Variants in ZNF496 observed in about 807,000 individuals in gnomAD.
ZNF496 encodes the protein NSD1 (nuclear receptor binding SET-domain containing 1)-interacting zinc finger protein 1.
A neutral mutation model predicts 58.9 loss-of-function variants in ZNF496; 11 were observed. That is an observed-to-expected ratio of 0.19 (90% CI 0.12 to 0.31). The LOEUF is 0.31. Ranked by LOEUF, ZNF496 falls within the 10% of genes least tolerant of loss-of-function variation. The pLI is 1.00. For missense variants in ZNF496, 660 were observed against 783.0 expected (o/e 0.84, Z 1.88); for synonymous variants, 338 against 318.2 (o/e 1.06, Z -0.66).
chr1:247,323,746 A>G (rs1460511411), intron 5 of ZNF496, among the ~76,000 whole-genome samples: 6 of 150,138 alleles, frequency 4.0e-5, no homozygotes, highest in Non-Finnish European at 8.9e-5. Context: ...AACACAGAGT[A>G]TTTGTTTCTT....
At chr1:247,317,616 C>A (rs1659828183) in intron 6 of ZNF496, among the ~76,000 whole-genome samples, 1 of 152,074 alleles carries the variant, frequency 6.6e-6, no homozygotes, top group South Asian at 2.1e-4. Context: ...GCTGGAACTC[C>A]ACTCCCACTC....
Position 247,309,629 on chromosome 1 carries a change from T to TG in ZNF496, c.892+69dup. On this transcript the variant is annotated intron_variant, in intron 8 of 9. Transcript: ENST00000682384. This position sits in a 1 kb window ranked among gnomAD's most constrained non-coding sequence, Gnocchi z 4.3. ...GGGGCCGCAGAGAGAAGCCAGAGAGTGGGCTCACCTCCGGCTGCCAGCAAC... is the reference window on the plus strand; with the variant it reads ...GGGGCCGCAGAGAGAAGCCAGAGAGTGGGGCTCACCTCCGGCTGCCAGCAAC... 1 of 1,584,656 alleles carries TG rather than the reference T, an allele frequency of 6.3e-7. No homozygotes were observed. The highest frequency in any genetic ancestry group is 2.3e-5 in the East Asian group (1 of 43,950).
chr1:247,298,207 T>C lies in ZNF496; in HGVS notation c.*2312A>G, dbSNP rs1170231202. On this transcript the variant is annotated 3_prime_UTR_variant, in exon 10 of 10. Coordinates refer to ENST00000682384, the MANE Select transcript of ZNF496 (RefSeq NM_032752.3). ...AAAGTAAAAGCCTCAACCGTTTATTTTGTGTTCAAAGTATAACCAAATGAT... is the reference window on the plus strand; with the variant it reads ...AAAGTAAAAGCCTCAACCGTTTATTCTGTGTTCAAAGTATAACCAAATGAT... 6.6e-6 allele frequency: 1 copy of C among 152,216 alleles called. No homozygotes were observed. Among genetic ancestry groups the C allele is most frequent in the African/African-American group, 2.4e-5 (1 of 41,460 alleles). The allele number at this position is 152,216 out of a possible 1,614,324, so 9.4% of individuals were successfully genotyped here. A position where few individuals can be genotyped will look rare whatever the true frequency, so the allele number is the denominator to read the frequency against.
At chr1:247,301,937 G>A (rs989969375) in intron 9 of ZNF496, among the ~76,000 whole-genome samples, 3 of 152,244 alleles carry the variant, frequency 2.0e-5, no homozygotes, top group African/African-American at 7.2e-5. Context: ...ACAGCTCCCC[G>A]GCTCCCAGTA....
At position 247,300,450 on chromosome 1, in the gene ZNF496, G is replaced by A; in HGVS notation, c.*69C>T. On this transcript the variant is annotated 3_prime_UTR_variant, in exon 10 of 10. Transcript: ENST00000682384. This position sits in a 1 kb window ranked among gnomAD's most constrained non-coding sequence, Gnocchi z 5.7. ...TCCTGGGGAAGGTATGTCCTGGGTG[G>A]GGGCGCTGATCAGTACCAAGGTGAG... 2 of 1,490,656 alleles carry A rather than the reference G, an allele frequency of 1.3e-6. No homozygotes were observed. Among genetic ancestry groups the A allele is most frequent in the African/African-American group, 1.4e-5 (1 of 71,614 alleles). The allele number at this position is 1,490,656 out of a possible 1,614,324, so 92.3% of individuals were successfully genotyped here. A position where few individuals can be genotyped will look rare whatever the true frequency, so the allele number is the denominator to read the frequency against.
At chr1:247,319,686 G>A (rs1337627930) in intron 6 of ZNF496, among the ~76,000 whole-genome samples, 1 of 152,202 alleles carries the variant, frequency 6.6e-6, no homozygotes, top group Non-Finnish European at 1.5e-5. Context: ...ACTTTTGGAG[G>A]ACGAAGCAGG....
intron 9 of ZNF496, chr1:247,303,946 T>G (rs757986176): frequency 7.6e-4 from 172 of 225,214 alleles, no homozygotes; most frequent in Non-Finnish European, 1.2e-3. Flanking sequence ...GATGAGGTTA[T>G]CCAGGAAGGT....
chr1:247,330,418 C>CA (rs1558160359), intron 2 of ZNF496, among the ~76,000 whole-genome samples: 1 of 152,224 alleles, frequency 6.6e-6, no homozygotes, highest in East Asian at 1.9e-4. Context: ...GCACACTCGC[C>CA]AAAGCCCTTC....
At chr1:247,310,182 TGTCCAGGTTGGGGGTGAACAGAGA>T in intron 7 of ZNF496, 118 bp downstream of exon 7, 1 of 1,476,482 alleles carries the variant, frequency 6.8e-7, no homozygotes, top group Non-Finnish European at 9.0e-7. Flanking sequence ...AATGACCTCC[TGTCCAGGTTGGGGGTGAACAGAGA>T]GATCTGATGC....
At chr1:247,315,828 T>C (rs1429229705) in intron 6 of ZNF496, among the ~76,000 whole-genome samples, 2 of 152,214 alleles carry the variant, frequency 1.3e-5, no homozygotes, top group Non-Finnish European at 2.9e-5. Flanking sequence ...CTCTTGCCTG[T>C]ACATATGAAT....
In ZNF496 at chr1:247,309,258, A is replaced by C; in HGVS notation, c.892+441T>G. 1 of 430,954 alleles carries C rather than the reference A, an allele frequency of 2.3e-6. No homozygotes were observed. Among genetic ancestry groups the C allele is most frequent in the Non-Finnish European group, 3.2e-6 (1 of 315,890 alleles). The allele number at this position is 430,954 out of a possible 1,614,324, so 26.7% of individuals were successfully genotyped here. ...GAGCCCCAGCACCTCCCCACACCCCAGTGTCCTCACAGCACCCCTGTACCA... is the reference window on the plus strand; with the variant it reads ...GAGCCCCAGCACCTCCCCACACCCCCGTGTCCTCACAGCACCCCTGTACCA... On this transcript the variant is annotated intron_variant, in intron 8 of 9. Coordinates refer to ENST00000682384, the MANE Select transcript of ZNF496 (RefSeq NM_032752.3). This position sits in a 1 kb window ranked among gnomAD's most constrained non-coding sequence, Gnocchi z 4.3.
At position 247,328,883 on chromosome 1, in the gene ZNF496, A is replaced by G; in HGVS notation, c.391-17T>C. On this transcript the variant is annotated splice_polypyrimidine_tract_variant and intron_variant, in intron 4 of 9. Transcript: ENST00000682384. ...GTGCTTGAGCTGCAATCCCAGAGAC[A>G]GCTTTTCAGGGCTAGGGGAAGAGGT... The G allele has an allele frequency of 6.4e-7, 1 of 1,571,616 alleles. No individual in the cohort carries two copies. The highest frequency in any genetic ancestry group is 8.6e-7 in the Non-Finnish European group (1 of 1,158,100).
chr1:247,326,107 C>T (rs1184615249), intron 5 of ZNF496, among the ~76,000 whole-genome samples: 3 of 149,730 alleles, frequency 2.0e-5, no homozygotes, highest in Admixed American at 1.3e-4. Flanking sequence ...CATATATATA[C>T]ACACACATAT....
chr1:247,308,439 C>G lies in ZNF496; in HGVS notation c.1006+36G>C. The G allele has an allele frequency of 6.3e-7, 1 of 1,587,878 alleles. No homozygotes were observed. Among genetic ancestry groups the G allele is most frequent in the Non-Finnish European group, 8.6e-7 (1 of 1,156,496 alleles). On this transcript the variant is annotated intron_variant, in intron 9 of 9. Transcript: ENST00000682384. This position sits in a 1 kb window ranked among gnomAD's most constrained non-coding sequence, Gnocchi z 4.5. ...ATTCATGCGACACACCACAGACACA[C>G]AGGGACAAACCCATACCTCCCTGAC... is the stretch of plus-strand genomic sequence containing the variant.
intron 5 of ZNF496, among the ~76,000 whole-genome samples, chr1:247,324,578 C>A (rs1038754211): frequency 1.3e-5 from 2 of 151,014 alleles, no homozygotes; most frequent in Admixed American, 1.3e-4. Flanking sequence ...TAGGCTGGAA[C>A]AGAACTCCTG....
intron 5 of ZNF496, among the ~76,000 whole-genome samples, chr1:247,324,732 ATT>A (rs969871844): frequency 6.6e-6 from 1 of 151,652 alleles, no homozygotes; most frequent in African/African-American, 2.4e-5. Context: ...AATACATACA[ATT>A]TTTTTTTGTC....
intron 6 of ZNF496, among the ~76,000 whole-genome samples, chr1:247,318,107 T>C (rs1572085980): frequency 6.6e-6 from 1 of 152,132 alleles, no homozygotes; most frequent in Admixed American, 6.5e-5. Context: ...GCTCAGTGAA[T>C]AGGCTCAGCT....
rs775010335 is a variant in ZNF496, at chr1:247,300,469, A to C, written c.*50T>G. On this transcript the variant is annotated 3_prime_UTR_variant, in exon 10 of 10. Coordinates refer to ENST00000682384, the MANE Select transcript of ZNF496 (RefSeq NM_032752.3). This position sits in a 1 kb window ranked among gnomAD's most constrained non-coding sequence, Gnocchi z 5.7. Reference sequence around the variant, plus strand: ...TGGGTGGGGGCGCTGATCAGTACCAAGGTGAGGGGGCAGCACCAGCCAGGG... The same window carrying C: ...TGGGTGGGGGCGCTGATCAGTACCACGGTGAGGGGGCAGCACCAGCCAGGG... 1.9e-6 allele frequency: 3 copies of C among 1,554,554 alleles called. No homozygotes were observed. The highest frequency in any genetic ancestry group is 2.6e-6 in the Non-Finnish European group (3 of 1,149,208).
At chr1:247,306,159 A>C (rs1659401060) in intron 9 of ZNF496, among the ~76,000 whole-genome samples, 1 of 152,136 alleles carries the variant, frequency 6.6e-6, no homozygotes, top group Non-Finnish European at 1.5e-5. Context: ...ATGTAGAGTA[A>C]AAGCCATGGG....
Sources: gnomAD v4.1 joint callset for allele counts (sites outside exome capture counted in the v4.1 genomes callset) on GRCh38, gnomAD v4.1.1 for gene constraint, Gnocchi (gnomAD v3.1) non-coding constraint, MANE v1.5 for transcripts, NCBI Gene and HGNC (gene_info 2026-07-23, HGNC 2026-07-21) for gene names.